CELF2: variants seen among roughly 807,000 people sequenced by gnomAD.
CELF2 encodes the protein CUGBP Elav-like family member 2.
Under a neutral mutation model 62.6 loss-of-function variants are expected in CELF2, and 8 were observed. That is an observed-to-expected ratio of 0.13 (90% CI 0.07 to 0.23). The LOEUF (loss-of-function observed/expected upper bound fraction) is 0.23. Ranked by LOEUF, CELF2 falls within the 10% of genes least tolerant of loss-of-function variation. CELF2 has a pLI of 1.00. For synonymous variants in CELF2, 258 were observed against 250.0 expected (o/e 1.03, Z -0.30); for missense variants, 333 against 671.0 (o/e 0.50, Z 5.56).
At chr10:10,500,867 G>C in the CELF2 span, among the ~76,000 whole-genome samples, 1 of 152,182 alleles carries the variant, frequency 6.6e-6, no homozygotes, top group Non-Finnish European at 1.5e-5. Flanking sequence ...GTCATTTTTA[G>C]AGTCTTTTAT....
the CELF2 span, among the ~76,000 whole-genome samples, chr10:10,578,587 T>G: frequency 6.6e-6 from 1 of 152,108 alleles, no homozygotes. Context: ...AGGAATAATC[T>G]AAAGGGAGAA....
At chr10:10,773,358 C>A in the CELF2 span, among the ~76,000 whole-genome samples, 1 of 152,190 alleles carries the variant, frequency 6.6e-6, no homozygotes, top group Non-Finnish European at 1.5e-5. Flanking sequence ...ACTTTTCAAA[C>A]CCGAACACTT....
the CELF2 span, among the ~76,000 whole-genome samples, chr10:10,729,518 C>T: frequency 6.6e-6 from 1 of 152,156 alleles, no homozygotes; most frequent in African/African-American, 2.4e-5. Context: ...CTAATAATAA[C>T]ATCATGGCAT....
At chr10:10,640,917 G>A in the CELF2 span, among the ~76,000 whole-genome samples, 8 of 152,088 alleles carry the variant, frequency 5.3e-5, no homozygotes, top group African/African-American at 1.9e-4. Flanking sequence ...CACATTGCCT[G>A]TCACCTCATC....
chr10:11,087,299 G>T (rs778874554), intron 1 of CELF2, among the ~76,000 whole-genome samples: 1 of 152,200 alleles, frequency 6.6e-6, no homozygotes, highest in African/African-American at 2.4e-5. Flanking sequence ...TATATATTGG[G>T]ATGGGGTGTG....
At chr10:10,499,229 T>A in the CELF2 span, among the ~76,000 whole-genome samples, 1 of 151,902 alleles carries the variant, frequency 6.6e-6, no homozygotes, top group South Asian at 2.1e-4. Context: ...ACCTGCCTGG[T>A]TAATTTTTCT....
intron 3 of CELF2, among the ~76,000 whole-genome samples, chr10:11,245,283 A>G (rs1421933648): frequency 6.6e-6 from 1 of 151,636 alleles, no homozygotes; most frequent in Non-Finnish European, 1.5e-5. Context: ...TATGACAATG[A>G]CTCCTCCCAC....
chr10:11,060,108 C>T (rs2066375298), intron 1 of CELF2, among the ~76,000 whole-genome samples: 1 of 152,176 alleles, frequency 6.6e-6, no homozygotes, highest in Non-Finnish European at 1.5e-5. Context: ...ATGGAGATTA[C>T]AGTATTTGAA....
chr10:11,031,425 T>C (rs968761884), intron 1 of CELF2, among the ~76,000 whole-genome samples: 1 of 152,220 alleles, frequency 6.6e-6, no homozygotes, highest in Non-Finnish European at 1.5e-5. Context: ...TTTGATGGGA[T>C]TCTGTGTTTT....
chr10:10,748,342 G>A, the CELF2 span, among the ~76,000 whole-genome samples: 2 of 152,096 alleles, frequency 1.3e-5, no homozygotes, highest in Non-Finnish European at 2.9e-5. Context: ...TGTGGACCCC[G>A]AAAATATGCA....
At chr10:10,724,686 C>T in the CELF2 span, among the ~76,000 whole-genome samples, 6 of 147,290 alleles carry the variant, frequency 4.1e-5, no homozygotes, top group African/African-American at 1.2e-4. Context: ...AAGAAAAGTG[C>T]GAGATTATTC....
Position 11,216,253 on chromosome 10 carries a change from C to T in CELF2, c.272-1172C>T, listed in dbSNP as rs150113162. 1.5e-4 allele frequency among the ~76,000 whole-genome samples: 23 copies of T among 152,250 alleles called. No homozygotes were observed. In the East Asian group the frequency reaches 2.7e-3, roughly 18 times the overall value. The stretch of plus-strand genomic sequence containing the variant: ...CAAGGTTTCAAATTTCTCTTCCAAA[C>T]GAGGAAGAATCTTGGATGTCTTTAG... On this transcript the variant is annotated intron_variant, in intron 2 of 12. Transcript: ENST00000633077.
chr10:11,154,919 TAGTC>T (rs1374503643), intron 1 of CELF2, among the ~76,000 whole-genome samples: 2 of 152,196 alleles, frequency 1.3e-5, no homozygotes, highest in Admixed American at 6.5e-5. Context: ...GCAGGATACT[TAGTC>T]AGCATTAACC....
chr10:10,580,958 T>C, the CELF2 span, among the ~76,000 whole-genome samples: 6 of 152,216 alleles, frequency 3.9e-5, no homozygotes, highest in South Asian at 1.0e-3. Flanking sequence ...TTCTCTTTCT[T>C]GTCCATGAAA....
chr10:11,182,826 T>C (rs1456421631), intron 2 of CELF2, among the ~76,000 whole-genome samples: 2 of 152,218 alleles, frequency 1.3e-5, no homozygotes, highest in African/African-American at 4.8e-5. Flanking sequence ...AGCTCGGCAT[T>C]ATTCCTGACT....
intron 1 of CELF2, among the ~76,000 whole-genome samples, chr10:11,086,224 A>G (rs542781731): frequency 1.3e-5 from 2 of 152,258 alleles, no homozygotes; most frequent in South Asian, 4.1e-4. Flanking sequence ...GGGCAGCTCC[A>G]CTGAGGAGAG....
intron 1 of CELF2, among the ~76,000 whole-genome samples, chr10:11,009,369 G>A (rs1000929622): frequency 6.6e-5 from 10 of 151,968 alleles, no homozygotes; most frequent in East Asian, 1.9e-4. Context: ...GTGTGCGTGC[G>A]CGCGTCGGAA....
the CELF2 span, among the ~76,000 whole-genome samples, chr10:10,556,921 T>A: frequency 7.1e-6 from 1 of 140,956 alleles, no homozygotes; most frequent in East Asian, 2.1e-4. Context: ...TCATTGTAGA[T>A]TCTGGATATT....
At chr10:10,750,389 G>A in the CELF2 span, among the ~76,000 whole-genome samples, 1 of 152,194 alleles carries the variant, frequency 6.6e-6, no homozygotes, top group Non-Finnish European at 1.5e-5. Context: ...AGCTCTTGGG[G>A]AAAATGCAAA....
Sources: gnomAD v4.1 joint callset for allele counts (sites outside exome capture counted in the v4.1 genomes callset) on GRCh38, gnomAD v4.1.1 for gene constraint, MANE v1.5 for transcripts, NCBI Gene and HGNC (gene_info 2026-07-23, HGNC 2026-07-21) for gene names.